The following ATRNL1 variants were observed in gnomAD, a reference collection of about 807,000 sequenced individuals.
The protein encoded by ATRNL1 is attractin like 1, also known as attractin-like protein 1.
In ATRNL1, 95 loss-of-function variants were observed where a neutral mutation model predicts 182.7. The observed-to-expected ratio is 0.52, with a 90% CI of 0.44 to 0.62. The LOEUF is 0.62. Among genes scored for constraint, ATRNL1 ranks in the 20% least tolerant of loss-of-function variants. The probability of loss-of-function intolerance (pLI) is 0.00; values close to 1 mark genes in which losing one functional copy is unlikely to be tolerated. For missense variants in ATRNL1, 1,471 were observed against 1,679.5 expected (o/e 0.88, Z 2.17); for synonymous variants, 576 against 568.3 (o/e 1.01, Z -0.19).
chr10:115,158,364 A>G (rs1481473568), intron 5 of ATRNL1, among the ~76,000 whole-genome samples: 2 of 152,052 alleles, frequency 1.3e-5, no homozygotes, highest in African/African-American at 2.4e-5. Context: ...TAAAGCAGCC[A>G]TAGACAATAC....
intron 26 of ATRNL1, among the ~76,000 whole-genome samples, chr10:115,672,325 A>G (rs1020863186): frequency 6.6e-6 from 1 of 152,106 alleles, no homozygotes; most frequent in Admixed American, 6.6e-5. Context: ...TGGAATTTCA[A>G]TTGAGGTTGC....
intron 27 of ATRNL1, among the ~76,000 whole-genome samples, chr10:115,760,040 A>T (rs1948697208): frequency 6.6e-6 from 1 of 151,552 alleles, no homozygotes; most frequent in African/African-American, 2.4e-5. Context: ...TGATCTGATA[A>T]AATTTACAGA....
chr10:115,146,395 C>A (rs556298748), intron 5 of ATRNL1, among the ~76,000 whole-genome samples: 34 of 151,776 alleles, frequency 2.2e-4, no homozygotes, highest in African/African-American at 7.7e-4. Context: ...ATTTGTTATC[C>A]GCATAGAATG....
chr10:115,886,775 C>T (rs1328222513), intron 28 of ATRNL1, among the ~76,000 whole-genome samples: 1 of 152,206 alleles, frequency 6.6e-6, no homozygotes, highest in Non-Finnish European at 1.5e-5. Context: ...CAGATCCATA[C>T]ATTTTCTCAA....
intron 27 of ATRNL1, among the ~76,000 whole-genome samples, chr10:115,818,885 A>G (rs934755303): frequency 6.6e-6 from 1 of 152,124 alleles, no homozygotes; most frequent in Non-Finnish European, 1.5e-5. Flanking sequence ...CAAGAGAACC[A>G]CGGTCATCAC....
intron 16 of ATRNL1, among the ~76,000 whole-genome samples, chr10:115,301,020 C>G (rs1304615022): frequency 6.6e-6 from 1 of 152,050 alleles, no homozygotes; most frequent in Non-Finnish European, 1.5e-5. Context: ...TGGCTTATTC[C>G]CTTAGCATAA....
intron 5 of ATRNL1, among the ~76,000 whole-genome samples, chr10:115,152,113 G>C (rs1782185729): frequency 6.6e-6 from 1 of 152,106 alleles, no homozygotes; most frequent in Admixed American, 6.5e-5. Flanking sequence ...TTTGGTTACT[G>C]TAGCCTTGTA....
At chr10:115,736,895 G>A (rs1249283907) in intron 27 of ATRNL1, among the ~76,000 whole-genome samples, 5 of 152,102 alleles carry the variant, frequency 3.3e-5, no homozygotes, top group Non-Finnish European at 7.4e-5. Context: ...AGCCTCCCGA[G>A]TAGCTGGGAC....
intron 26 of ATRNL1, among the ~76,000 whole-genome samples, chr10:115,724,387 G>A (rs1947530216): frequency 6.6e-6 from 1 of 151,930 alleles, no homozygotes; most frequent in Non-Finnish European, 1.5e-5. Context: ...ATGGGCCTGT[G>A]GTAATTAGTG....
chr10:115,752,415 T>A (rs1555070848), intron 27 of ATRNL1, among the ~76,000 whole-genome samples: 3 of 152,006 alleles, frequency 2.0e-5, no homozygotes, highest in African/African-American at 7.2e-5. Context: ...TTATAGGCAG[T>A]AGGGTTCAGT....
At chr10:115,585,189 T>C (rs1855433929) in intron 26 of ATRNL1, among the ~76,000 whole-genome samples, 1 of 87,960 alleles carries the variant, frequency 1.1e-5, no homozygotes, top group African/African-American at 3.8e-5. Context: ...AATTTTGGAA[T>C]AGGTGTGGTG....
At chr10:115,861,469 G>A (rs1951315118) in intron 28 of ATRNL1, among the ~76,000 whole-genome samples, 1 of 152,042 alleles carries the variant, frequency 6.6e-6, no homozygotes, top group African/African-American at 2.4e-5. Context: ...ACTTTCTACT[G>A]CCCTTTGTCA....
chr10:115,538,125 G>A (rs1484240646), intron 25 of ATRNL1, among the ~76,000 whole-genome samples: 3 of 152,132 alleles, frequency 2.0e-5, no homozygotes, highest in African/African-American at 7.2e-5. Flanking sequence ...GATTGTTACA[G>A]TTTTTGGTAC....
chr10:115,441,542 C>G (rs1554965703), intron 21 of ATRNL1, among the ~76,000 whole-genome samples: 1 of 151,780 alleles, frequency 6.6e-6, no homozygotes, highest in Non-Finnish European at 1.5e-5. Context: ...TTCCACTTGA[C>G]CTTATCAGTT....
At chr10:115,521,795 A>C (rs149252840) in intron 25 of ATRNL1, among the ~76,000 whole-genome samples, 71 of 152,302 alleles carry the variant, frequency 4.7e-4, no homozygotes, top group African/African-American at 1.5e-3. Flanking sequence ...AAATTAGATC[A>C]CTTAAAAAAC....
intron 26 of ATRNL1, among the ~76,000 whole-genome samples, chr10:115,679,114 C>T (rs1593055105): frequency 6.6e-6 from 1 of 152,048 alleles, no homozygotes; most frequent in Non-Finnish European, 1.5e-5. Flanking sequence ...TCCTGGAATC[C>T]CTGCATGGCA....
intron 27 of ATRNL1, among the ~76,000 whole-genome samples, chr10:115,821,836 G>A (rs1555090489): frequency 6.6e-6 from 1 of 152,110 alleles, no homozygotes; most frequent in Non-Finnish European, 1.5e-5. Flanking sequence ...ATAATAGTGG[G>A]ACACTTTAAC....
At chr10:115,652,520 C>T (rs1341305579) in intron 26 of ATRNL1, among the ~76,000 whole-genome samples, 4 of 151,920 alleles carry the variant, frequency 2.6e-5, no homozygotes, top group Non-Finnish European at 5.9e-5. Flanking sequence ...TGAACATTAA[C>T]GGATGGCTTA....
At chr10:115,237,011 T>A (rs914353920) in intron 9 of ATRNL1, among the ~76,000 whole-genome samples, 1 of 152,214 alleles carries the variant, frequency 6.6e-6, no homozygotes, top group African/African-American at 2.4e-5. Context: ...ATGTAGCCTT[T>A]TAATTTTGGC....
Sources: allele counts gnomAD v4.1 joint callset (sites outside exome capture counted in the v4.1 genomes callset), GRCh38; gene constraint gnomAD v4.1.1; transcripts MANE v1.5; gene names NCBI Gene and HGNC (gene_info 2026-07-23, HGNC 2026-07-21).